SEC24B: variants seen among roughly 807,000 people sequenced by gnomAD.
SEC24B encodes SEC24 homolog B, COPII component.
In SEC24B, 45 loss-of-function variants were observed where a neutral mutation model predicts 142.8. The observed-to-expected ratio is 0.32, with a 90% CI of 0.25 to 0.40. The LOEUF (loss-of-function observed/expected upper bound fraction) is 0.40, where lower values mean the gene tolerates loss of function less well. Ranked by LOEUF, SEC24B falls within the 10% of genes least tolerant of loss-of-function variation. The probability of loss-of-function intolerance (pLI) is 1.00; values close to 1 mark genes in which losing one functional copy is unlikely to be tolerated. For missense variants in SEC24B, 1,409 were observed against 1,526.8 expected, an observed-to-expected ratio of 0.92 and a Z score of 1.29; for synonymous variants, 574 against 568.2, an observed-to-expected ratio of 1.01 and a Z score of -0.15.
chr4:109,517,353 A>G (rs1422747152), intron 11 of SEC24B, among the ~76,000 whole-genome samples: 1 of 152,202 alleles, frequency 6.6e-6, no homozygotes, highest in Non-Finnish European at 1.5e-5. Context: ...TCATTACGTT[A>G]AGTGAAATCA....
chr4:109,442,619 GT>G (rs1729041650), intron 1 of SEC24B, among the ~76,000 whole-genome samples: 1 of 152,010 alleles, frequency 6.6e-6, no homozygotes, highest in African/African-American at 2.4e-5. Context: ...GAAAAAAAAA[GT>G]TGGAATTCAA....
intron 14 of SEC24B, 36 bp from the exon 15 acceptor site, chr4:109,524,782 G>A: frequency 6.4e-7 from 1 of 1,572,960 alleles, no homozygotes; most frequent in Non-Finnish European, 8.6e-7. Flanking sequence ...TGAGCATAAA[G>A]ATTGCTAGCT....
chr4:109,518,026 G>A (rs984073491), intron 11 of SEC24B, among the ~76,000 whole-genome samples: 1 of 151,904 alleles, frequency 6.6e-6, no homozygotes, highest in East Asian at 1.9e-4. Flanking sequence ...GGAGTGCAGT[G>A]GCGCGATCTC....
At chr4:109,526,530 C>T (rs890985435) in intron 17 of SEC24B, 131 bp downstream of exon 17, 3 of 579,770 alleles carry the variant, frequency 5.2e-6, no homozygotes, top group Non-Finnish European at 8.4e-6. Context: ...GTTAATCAAA[C>T]ATATGTTGTT....
At chr4:109,452,026 A>G (rs1730147590) in intron 1 of SEC24B, among the ~76,000 whole-genome samples, 1 of 151,772 alleles carries the variant, frequency 6.6e-6, no homozygotes, top group Non-Finnish European at 1.5e-5. Flanking sequence ...ATATGTAATC[A>G]TGTATCTATT....
Position 109,469,753 on chromosome 4 carries a change from A to G in SEC24B, c.878-3251A>G, listed in dbSNP as rs1008860114. Among the ~76,000 whole-genome samples the G allele has an allele frequency of 3.3e-5, 5 of 152,346 alleles. No homozygotes were observed. In the East Asian group the frequency reaches 5.8e-4, roughly 18 times the overall value. ...GAGTAGGGAAGGAATTTTTAAGGAC[A>G]ATGCACATAATGCTAGCCACAAAGG... On this transcript the variant is annotated intron_variant, in intron 2 of 23. Coordinates refer to ENST00000265175, the MANE Select transcript of SEC24B (RefSeq NM_006323.5).
At chr4:109,521,753 A>G in intron 14 of SEC24B, 127 bp downstream of exon 14, 5 of 740,538 alleles carry the variant, frequency 6.8e-6, no homozygotes, top group Non-Finnish European at 6.4e-6. Context: ...CTTTTTTGAG[A>G]CGTGGTCTCA....
At position 109,440,946 on chromosome 4, in the gene SEC24B, T is replaced by C. The variant is rs1015147721; in HGVS notation, c.133+6944T>C. Among the ~76,000 whole-genome samples the C allele has an allele frequency of 3.3e-5, 5 of 152,240 alleles. No individual in the cohort carries two copies. The South Asian group carries it at 1.0e-3, about 31-fold the overall frequency. On this transcript the variant is annotated intron_variant, in intron 1 of 23. Transcript: ENST00000265175. ...GTCTTCTCTTTATTTTCTTCTGCTTTCCAGTCCTCCATCCCTTATGTCCGC... is the reference window on the plus strand; with the variant it reads ...GTCTTCTCTTTATTTTCTTCTGCTTCCCAGTCCTCCATCCCTTATGTCCGC...
intron 6 of SEC24B, among the ~76,000 whole-genome samples, chr4:109,502,912 G>C (rs1050315635): frequency 6.6e-6 from 1 of 151,904 alleles, no homozygotes; most frequent in African/African-American, 2.4e-5. Context: ...CACCATTGTT[G>C]TGTGTGTCTG....
intron 2 of SEC24B, among the ~76,000 whole-genome samples, chr4:109,466,753 T>C (rs1200269300): frequency 6.6e-6 from 1 of 152,192 alleles, no homozygotes. Flanking sequence ...TTGACAAAAA[T>C]GATTACCTTC....
intron 6 of SEC24B, among the ~76,000 whole-genome samples, chr4:109,497,927 G>A (rs1176257136): frequency 6.6e-6 from 1 of 152,194 alleles, no homozygotes; most frequent in Non-Finnish European, 1.5e-5. Context: ...TGAGAGTTCA[G>A]TTGCTTCACA....
intron 4 of SEC24B, among the ~76,000 whole-genome samples, chr4:109,484,544 G>C (rs1578865996): frequency 6.6e-6 from 1 of 152,058 alleles, no homozygotes; most frequent in African/African-American, 2.4e-5. Flanking sequence ...AGAAAAAAAA[G>C]AGAGAGAGAT....
chr4:109,473,409 A>G (rs1732742863), intron 3 of SEC24B, among the ~76,000 whole-genome samples: 1 of 151,974 alleles, frequency 6.6e-6, no homozygotes, highest in East Asian at 1.9e-4. Flanking sequence ...TGCTCTTTTT[A>G]TGGCTAATTA....
At chr4:109,489,443 G>T (rs1734748876) in intron 4 of SEC24B, among the ~76,000 whole-genome samples, 2 of 147,618 alleles carry the variant, frequency 1.4e-5, no homozygotes, top group African/African-American at 5.3e-5. Flanking sequence ...TAATTCAGTG[G>T]CATTTAGTAC....
chr4:109,532,818 C>G, intron 21 of SEC24B, 75 bp downstream of exon 21: 2 of 715,596 alleles, frequency 2.8e-6, no homozygotes, highest in African/African-American at 1.8e-5. Flanking sequence ...TAGGGTCCAG[C>G]TGTTATCACA....
chr4:109,449,291 A>G (rs998407932), intron 1 of SEC24B: 8 of 335,384 alleles, frequency 2.4e-5, no homozygotes, highest in African/African-American at 1.3e-4. Flanking sequence ...TGGCTCAATC[A>G]TGGTTCACTG....
At chr4:109,474,411 A>AT (rs1385913136) in intron 3 of SEC24B, among the ~76,000 whole-genome samples, 2 of 138,088 alleles carry the variant, frequency 1.4e-5, no homozygotes, top group African/African-American at 5.4e-5. Flanking sequence ...CCTGCTGCTT[A>AT]TTTCTTCCTA....
intron 14 of SEC24B, among the ~76,000 whole-genome samples, chr4:109,521,920 C>G (rs932204771): frequency 1.3e-5 from 2 of 151,516 alleles, no homozygotes; most frequent in East Asian, 2.0e-4. Context: ...TTAGTAGAGA[C>G]GGGGGTTTCA....
chr4:109,534,821 T>C (rs958189189), intron 22 of SEC24B, among the ~76,000 whole-genome samples: 1 of 151,946 alleles, frequency 6.6e-6, no homozygotes, highest in African/African-American at 2.4e-5. Context: ...ACCACAGGAG[T>C]ATGCCACCAC....
Sources: allele counts gnomAD v4.1 joint callset (sites outside exome capture counted in the v4.1 genomes callset), GRCh38; gene constraint gnomAD v4.1.1; transcripts MANE v1.5; gene names NCBI Gene and HGNC (gene_info 2026-07-23, HGNC 2026-07-21).